Variants in ATP13A1 observed in about 807,000 individuals in gnomAD.
The protein encoded by ATP13A1 is endoplasmic reticulum transmembrane helix translocase.
Under a neutral mutation model 134.8 loss-of-function variants are expected in ATP13A1, and 55 were observed. The observed-to-expected ratio is 0.41, with a 90% CI of 0.33 to 0.51. The LOEUF (loss-of-function observed/expected upper bound fraction) is 0.51, where lower values mean the gene tolerates loss of function less well. Among genes scored for constraint, ATP13A1 ranks in the 20% least tolerant of loss-of-function variants. The probability of loss-of-function intolerance (pLI) is 0.29; values close to 1 mark genes in which losing one functional copy is unlikely to be tolerated. For missense variants in ATP13A1, 1,389 were observed against 1,652.8 expected, an observed-to-expected ratio of 0.84 and a Z score of 2.77; for synonymous variants, 775 against 725.1, an observed-to-expected ratio of 1.07 and a Z score of -1.10.
At chr19:19,651,423 G>GTT in intron 17 of ATP13A1, 1 of 366,784 alleles carries the variant, frequency 2.7e-6, no homozygotes, top group East Asian at 4.7e-5. Context: ...CTGCCCATGA[G>GTT]TGCACAGGAA....
intron 3 of ATP13A1, among the ~76,000 whole-genome samples, chr19:19,659,063 G>A (rs1310619200): frequency 6.6e-6 from 1 of 152,240 alleles, no homozygotes; most frequent in East Asian, 1.9e-4. Context: ...TCCAGCTGCA[G>A]ACCCTCTGGG....
intron 15 of ATP13A1, 130 bp from the exon 16 acceptor site, chr19:19,652,850 C>T (rs567299618): frequency 6.9e-6 from 9 of 1,309,046 alleles, no homozygotes; most frequent in Middle Eastern, 2.7e-4. Flanking sequence ...TGGGCACATG[C>T]GAGGGTTGGG....
Position 19,647,729 on chromosome 19 carries a change from C to G in ATP13A1, c.2663G>C (p.Arg888Pro). The G allele has an allele frequency of 6.2e-7, 1 of 1,605,648 alleles. No individual in the cohort carries two copies. Among genetic ancestry groups the G allele is most frequent in the Non-Finnish European group, 8.5e-7 (1 of 1,178,498 alleles). Residue 888 changes from arginine (R) to proline (P), a missense_variant, in exon 20 of 26, where the codon CGG becomes CCG. Coordinates refer to ENST00000357324, the MANE Select transcript of ATP13A1 (RefSeq NM_020410.3). This position sits in a 1 kb window ranked among gnomAD's most constrained non-coding sequence, Gnocchi z 4.8. ...GVALLANAPE[R>P]VVERRRRPRD... Reference sequence around the variant, plus strand: ...GGGCCGCCGTCGCCGCTCGACAACCCGCTCAGGGGCATTGGCCAAGAGCGC... The same window carrying G: ...GGGCCGCCGTCGCCGCTCGACAACCGGCTCAGGGGCATTGGCCAAGAGCGC...
chr19:19,647,198 G>A lies in ATP13A1; in HGVS notation c.3036C>T (p.Phe1012=), dbSNP rs753616244. 6.8e-6 allele frequency: 11 copies of A among 1,613,926 alleles called. No homozygotes were observed. The highest frequency in any genetic ancestry group is 8.5e-6 in the Non-Finnish European group (10 of 1,179,878). The change falls in exon 22 of 26, where the codon TTC becomes TTT. Residue 1012 remains phenylalanine (F), a synonymous_variant. Transcript: ENST00000357324. This position sits in a 1 kb window ranked among gnomAD's most constrained non-coding sequence, Gnocchi z 4.8. ...QSVLYLEGVK[F]SDFQATLQGL... is the part of the protein sequence containing the mutation. ...CCTGTAGGGTGGCCTGGAAGTCACT[G>A]AACTTGACTCCCTCCAGGTAGAGGA... is the stretch of plus-strand genomic sequence containing the variant.
At chr19:19,648,675 G>C (rs942914601) in intron 19 of ATP13A1, among the ~76,000 whole-genome samples, 7 of 151,126 alleles carry the variant, frequency 4.6e-5, no homozygotes, top group African/African-American at 1.7e-4. Flanking sequence ...TGGGCATGGT[G>C]GCTGGCGCCT....
rs1599441682 is a variant in ATP13A1 at position 19,663,643 on chromosome 19, G to A, written c.24C>T (p.Gly8=). The change falls in exon 1 of 26, where the codon GGC becomes GGT. Residue 8 remains glycine (G), a synonymous_variant. Transcript: ENST00000357324. MAAAAAV[G]NAVPCGARPC... The stretch of plus-strand genomic sequence containing the variant: ...GCCGGGCCCCGCAGGGCACCGCGTT[G>A]CCCACCGCCGCCGCTGCCGCCATCT... 5.4e-6 allele frequency: 7 copies of A among 1,298,890 alleles called. No homozygotes were observed. Among genetic ancestry groups the A allele is most frequent in the East Asian group, 6.4e-5 (2 of 31,448 alleles). The allele number at this position is 1,298,890 out of a possible 1,614,324, so 80.5% of individuals were successfully genotyped here.
At position 19,654,565 on chromosome 19, in the gene ATP13A1, G is replaced by T; in HGVS notation, c.1791C>A (p.Ala597=). 6.2e-7 allele frequency: 1 copy of T among 1,611,612 alleles called. No homozygotes were observed. ...GDPLEKAMLT[A]VDWTLTKDEK... is the part of the protein sequence containing the mutation. ...CACCTTTGGTCAGCGTCCAGTCCAC[G>T]GCCGTCAGCATGGCCTTCTCTAGAG... is the stretch of plus-strand genomic sequence containing the variant. The change falls in exon 13 of 26, where the codon GCC becomes GCA. Residue 597 remains alanine, a synonymous_variant. Coordinates refer to ENST00000357324, the MANE Select transcript of ATP13A1 (RefSeq NM_020410.3).
intron 1 of ATP13A1, chr19:19,662,031 G>A: frequency 1.3e-6 from 2 of 1,557,304 alleles, no homozygotes; most frequent in Non-Finnish European, 1.7e-6. Context: ...AACTCAGAGA[G>A]CAGAAGCGGC....
rs763437078 is a variant in ATP13A1 at position 19,663,488 on chromosome 19, G to A, written c.179C>T (p.Ala60Val). Residue 60 changes from alanine to valine, a missense_variant, in exon 1 of 26, where the codon GCG (alanine) becomes GTG (valine). Coordinates refer to ENST00000357324, the MANE Select transcript of ATP13A1 (RefSeq NM_020410.3). ...VAAVWPYRRLALLRRLTVLPF... is the reference protein window; with the variant it reads ...VAAVWPYRRLVLLRRLTVLPF... Reference sequence around the variant, plus strand: ...CAGCACCGTGAGGCGCCGCAACAGCGCCAACCGCCGGTACGGCCACACGGC... The same window carrying A: ...CAGCACCGTGAGGCGCCGCAACAGCACCAACCGCCGGTACGGCCACACGGC... 1.7e-5 allele frequency: 26 copies of A among 1,534,458 alleles called. No individual in the cohort carries two copies. The South Asian group carries it at 3.1e-4, about 18-fold the overall frequency.
intron 1 of ATP13A1, chr19:19,662,464 C>A: frequency 1.3e-6 from 1 of 743,380 alleles, no homozygotes; most frequent in Non-Finnish European, 1.6e-6. Context: ...TCCTGATATA[C>A]CTCAGTGTCC....
At position 19,645,795 on chromosome 19, in the gene ATP13A1, G is replaced by A. The variant is rs1277148841; in HGVS notation, c.3361-5C>T. On this transcript the variant is annotated splice_region_variant and splice_polypyrimidine_tract_variant and intron_variant, in intron 24 of 25. Coordinates refer to ENST00000357324, the MANE Select transcript of ATP13A1 (RefSeq NM_020410.3). The surrounding 1 kb of genome is among the most constrained non-coding windows in gnomAD (Gnocchi z 4.1). ...GCTCTCCATGAAGGGCGGGCCCTGT[G>A]GGGATGAGGGACAGATGGCTTCATG... The A allele has an allele frequency of 6.2e-7, 1 of 1,612,352 alleles. No individual in the cohort carries two copies. The highest frequency in any genetic ancestry group is 2.2e-5 in the East Asian group (1 of 44,848).
Position 19,653,926 on chromosome 19 carries a change from G to A in ATP13A1, c.1990-32C>T. On this transcript the variant is annotated intron_variant, in intron 14 of 25. Coordinates refer to ENST00000357324, the MANE Select transcript of ATP13A1 (RefSeq NM_020410.3). This position sits in a 1 kb window ranked among gnomAD's most constrained non-coding sequence, Gnocchi z 4.2. ...GGAATGCAGGGGGATGTCACGGGCT[G>A]CCCCGCGCCCCCACCCCTTGCCCCA... is the stretch of plus-strand genomic sequence containing the variant. 3 of 1,568,950 alleles carry A rather than the reference G, an allele frequency of 1.9e-6. No homozygotes were observed. The highest frequency in any genetic ancestry group is 2.3e-5 in the South Asian group (2 of 85,412).
chr19:19,652,333 CGG>C (rs1314291714), intron 16 of ATP13A1, among the ~76,000 whole-genome samples: 1 of 152,160 alleles, frequency 6.6e-6, no homozygotes, highest in Non-Finnish European at 1.5e-5. Flanking sequence ...GGCGGTGGAA[CGG>C]GGAAGTGGAG....
At chr19:19,650,074 C>G (rs2062014589) in intron 17 of ATP13A1, 134 bp from the exon 18 acceptor site, 1 of 777,354 alleles carries the variant, frequency 1.3e-6, no homozygotes, top group East Asian at 2.7e-5. Context: ...CCCAGGTGAC[C>G]CCCAGCCCTT....
rs895643375 is a variant in ATP13A1, at chr19:19,655,797, G to A, written c.1269+81C>T. The A allele has an allele frequency of 1.3e-6, 2 of 1,536,402 alleles. No homozygotes were observed. Among genetic ancestry groups the A allele is most frequent in the African/African-American group, 2.7e-5 (2 of 72,996 alleles). On this transcript the variant is annotated intron_variant, in intron 9 of 25. Transcript: ENST00000357324. This position sits in a 1 kb window ranked among gnomAD's most constrained non-coding sequence, Gnocchi z 5.7. ...GCTGCCAGAGTCAGCCCGTGGGGCA[G>A]ATGTTCTGGGGTCGGAAAGGGCTGA... is the stretch of plus-strand genomic sequence containing the variant.
rs1187267667 is a variant in ATP13A1, at chr19:19,663,547, C to A, written c.120G>T (p.Pro40=). The change falls in exon 1 of 26, where the codon CCG becomes CCT. Residue 40 remains proline, a synonymous_variant. Transcript: ENST00000357324. Reference sequence around the variant, plus strand: ...GCTCGTCACCGTTCGCTATGAGCGCCGGCCCGGCGGCAAGGAGCGCGCGCG... The same window carrying A: ...GCTCGTCACCGTTCGCTATGAGCGCAGGCCCGGCGGCAAGGAGCGCGCGCG... ...PQPRALLAAG[P]ALIANGDELV... The A allele has an allele frequency of 1.3e-6, 2 of 1,516,350 alleles. No individual in the cohort carries two copies. Among genetic ancestry groups the A allele is most frequent in the Admixed American group, 4.1e-5 (2 of 48,784 alleles). 93.9% of individuals were successfully genotyped at this position (1,516,350 alleles called of 1,614,324 possible).
In ATP13A1 at chr19:19,653,736, C is replaced by G. The variant is rs1218950842; in HGVS notation, c.2100+48G>C. 6.8e-7 allele frequency: 1 copy of G among 1,473,320 alleles called. No individual in the cohort carries two copies. 91.3% of individuals were successfully genotyped at this position (1,473,320 alleles called of 1,614,324 possible). A position where few individuals can be genotyped will look rare whatever the true frequency, so the allele number is the denominator to read the frequency against. ...ACACAGGAGGTGACTCAGGGAGGAGCTGACGGGCCAGGCACATGGTGAAGG... is the reference window on the plus strand; with the variant it reads ...ACACAGGAGGTGACTCAGGGAGGAGGTGACGGGCCAGGCACATGGTGAAGG... On this transcript the variant is annotated intron_variant, in intron 15 of 25. Coordinates refer to ENST00000357324, the MANE Select transcript of ATP13A1 (RefSeq NM_020410.3). The surrounding 1 kb of genome is among the most constrained non-coding windows in gnomAD (Gnocchi z 4.2).
rs374262307 is a variant in ATP13A1 at position 19,655,776 on chromosome 19, CCAGAG to C, written c.1269+97_1269+101del. The C allele has an allele frequency of 4.3e-4, 666 of 1,533,790 alleles. 5 individuals are homozygous for C. The South Asian group carries it at 6.7e-3, about 15-fold the overall frequency. On this transcript the variant is annotated intron_variant, in intron 9 of 25. Coordinates refer to ENST00000357324, the MANE Select transcript of ATP13A1 (RefSeq NM_020410.3). The surrounding 1 kb of genome is among the most constrained non-coding windows in gnomAD (Gnocchi z 5.7). ...CTGGCCCAGGTCCAGGGCCGTGCTG[CCAGAG>C]TCAGCCCGTGGGGCAGATGTTCTGG...
chr19:19,649,637 C>T lies in ATP13A1; in HGVS notation c.2562G>A (p.Glu854=), dbSNP rs1204265113. ...CACACATGAGGGTCACGTAGCCCAG[C>T]TCCTTCAGGCTGGTGATGACAAACT... ...QKEFVITSLK[E]LGYVTLMCGD... is the part of the protein sequence containing the mutation. The change falls in exon 19 of 26, where the codon GAG becomes GAA. Residue 854 remains glutamate (E), a synonymous_variant. Transcript: ENST00000357324. The T allele has an allele frequency of 4.3e-6, 7 of 1,613,860 alleles. No individual in the cohort carries two copies. The South Asian group carries it at 6.6e-5, about 15-fold the overall frequency.
Sources: allele counts gnomAD v4.1 joint callset (sites outside exome capture counted in the v4.1 genomes callset), GRCh38; gene constraint gnomAD v4.1.1; non-coding constraint Gnocchi (gnomAD v3.1); transcripts MANE v1.5; gene names NCBI Gene and HGNC (gene_info 2026-07-23, HGNC 2026-07-21).